The following DGKA variants were observed in gnomAD, a reference collection of about 807,000 sequenced individuals.
DGKA encodes diacylglycerol kinase alpha.
DGKA carries 35 observed loss-of-function variants against 105.0 expected under a neutral mutation model. The observed-to-expected ratio is 0.33, with a 90% confidence interval of 0.25 to 0.44. The LOEUF (loss-of-function observed/expected upper bound fraction) is 0.44. DGKA is among the 20% of genes least tolerant of loss of function. The pLI is 1.00. For synonymous variants in DGKA, 296 were observed against 332.0 expected (o/e 0.89, Z 1.18); for missense variants, 665 against 915.0 (o/e 0.73, Z 3.53).
At chr12:55,938,685 G>T (rs763496527) in intron 6 of DGKA, 125 bp downstream of exon 6, 1 of 1,592,614 alleles carries the variant, frequency 6.3e-7, no homozygotes, top group East Asian at 2.3e-5. Context: ...AGTCCTCTAG[G>T]ACTAAATTTG....
At position 55,952,496 on chromosome 12, in the gene DGKA, A is replaced by G; in HGVS notation, c.1743+65A>G. ...TCTTAATAGCCAAGTTTCTCCCTCC[A>G]TGGCACCCTTAGGAACTTCCCATAT... On this transcript the variant is annotated intron_variant, in intron 20 of 23. Coordinates refer to ENST00000331886, the MANE Select transcript of DGKA (RefSeq NM_001345.5). This position sits in a 1 kb window ranked among gnomAD's most constrained non-coding sequence, Gnocchi z 5.1. The G allele has an allele frequency of 3.3e-6, 5 of 1,506,800 alleles. No homozygotes were observed. The highest frequency in any genetic ancestry group is 4.6e-6 in the Non-Finnish European group (5 of 1,082,748). 93.3% of individuals were successfully genotyped at this position (1,506,800 alleles called of 1,614,324 possible).
In DGKA at chr12:55,940,873, C is replaced by G; in HGVS notation, c.1018-24C>G. ...ATTCATGCACAATACAGCTTTTCTT[C>G]CCTCTACTTTCTTCCCCTCCCAGGC... On this transcript the variant is annotated intron_variant, in intron 12 of 23. Transcript: ENST00000331886. The surrounding 1 kb of genome is among the most constrained non-coding windows in gnomAD (Gnocchi z 4.3). 6.2e-7 allele frequency: 1 copy of G among 1,612,580 alleles called. No individual in the cohort carries two copies. Among genetic ancestry groups the G allele is most frequent in the East Asian group, 2.2e-5 (1 of 44,860 alleles).
chr12:55,927,331 T>C (rs1284519778), upstream of DGKA: 1 of 761,050 alleles, frequency 1.3e-6, no homozygotes, highest in East Asian at 2.7e-5. Flanking sequence ...TACTGAGCGC[T>C]TGCTGCCTGT....
rs1196504797 is a variant in DGKA at position 55,931,288 on chromosome 12, A to T, written c.-138A>T. 1.3e-5 allele frequency: 2 copies of T among 151,986 alleles called. No homozygotes were observed. The highest frequency in any genetic ancestry group is 2.9e-5 in the Non-Finnish European group (2 of 68,048). The allele number at this position is 151,986 out of a possible 1,614,324, so 9.4% of individuals were successfully genotyped here. A position where few individuals can be genotyped will look rare whatever the true frequency, so the allele number is the denominator to read the frequency against. On this transcript the variant is annotated 5_prime_UTR_variant, in exon 1 of 24. Coordinates refer to ENST00000331886, the MANE Select transcript of DGKA (RefSeq NM_001345.5). ...ACTCCAGGCAGGGGAAGCTGAAAGGACCTTTCACTCCCTACTTTTGGCCAG... is the reference window on the plus strand; with the variant it reads ...ACTCCAGGCAGGGGAAGCTGAAAGGTCCTTTCACTCCCTACTTTTGGCCAG...
chr12:55,936,201 C>G, intron 1 of DGKA: 3 of 554,990 alleles, frequency 5.4e-6, no homozygotes, highest in Non-Finnish European at 8.1e-6. Flanking sequence ...AATGGAGAGA[C>G]AGAGATGAGT....
In DGKA at chr12:55,940,694, C is replaced by A; in HGVS notation, c.989C>A (p.Pro330His). ...GGGCTGCTCCGGGATCACATCCTGC[C>A]TCCATCTTCCATCTATCCCAGTGTC... is the stretch of plus-strand genomic sequence containing the variant. Reference protein sequence around the residue: ...DCGLLRDHILPPSSIYPSVLA... With the variant: ...DCGLLRDHILHPSSIYPSVLA... Residue 330 changes from proline to histidine, a missense_variant, in exon 12 of 24, where the codon CCT becomes CAT. Physicochemically the swap from Pro to His is moderately conservative, Grantham distance 77. Transcript: ENST00000331886. The surrounding 1 kb of genome is among the most constrained non-coding windows in gnomAD (Gnocchi z 4.3). 1 of 1,608,440 alleles carries A rather than the reference C, an allele frequency of 6.2e-7. No homozygotes were observed. The highest frequency in any genetic ancestry group is 2.2e-5 in the East Asian group (1 of 44,844).
At chr12:55,936,161 T>G in intron 1 of DGKA, 2 of 552,062 alleles carry the variant, frequency 3.6e-6, no homozygotes, top group Non-Finnish European at 2.5e-6. Context: ...TGAATCAAGA[T>G]AGGTTGGGGG....
In DGKA at chr12:55,949,168, G is replaced by GCA. The variant is rs139522411; in HGVS notation, c.1427-2438_1427-2437dup. Among the ~76,000 whole-genome samples, 356 of 149,508 alleles carry GCA rather than the reference G, an allele frequency of 2.4e-3. 2 individuals are homozygous for GCA. Among genetic ancestry groups the GCA allele is most frequent in the South Asian group, 8.6e-3 (41 of 4,760 alleles). On this transcript the variant is annotated intron_variant, in intron 17 of 23. Transcript: ENST00000331886. Reference sequence around the variant, plus strand: ...GTCATTTTTCTGTTTTTACATGCATGCACACACACACACACACATATGCAT... The same window carrying GCA: ...GTCATTTTTCTGTTTTTACATGCATGCACACACACACACACACACATATGCAT...
intron 23 of DGKA, 136 bp downstream of exon 23, chr12:55,953,546 C>T (rs1592758906): frequency 7.5e-7 from 1 of 1,334,112 alleles, no homozygotes; most frequent in Non-Finnish European, 1.1e-6. Context: ...CCTGATTTCT[C>T]AGCCCCTGGT....
At position 55,936,562 on chromosome 12, in the gene DGKA, T is replaced by C. The variant is rs1468483388; in HGVS notation, c.59T>C (p.Met20Thr). Residue 20 changes from methionine (M) to threonine (T), a missense_variant, in exon 2 of 24, where the codon ATG becomes ACG. By Grantham distance (81) the Met-to-Thr change is moderately conservative. This residue lies in a region of DGKA where 504 missense variants were observed against 681.2 expected (regional missense o/e 0.74). Transcript: ENST00000331886. ...PSDFAQLQKY[M>T]EYSTKKVSDV... ...GATTTTGCCCAGCTGCAAAAATACATGGAATGTGAGTCTTCCTGTCAGGCC... is the reference window on the plus strand; with the variant it reads ...GATTTTGCCCAGCTGCAAAAATACACGGAATGTGAGTCTTCCTGTCAGGCC... 4 of 1,614,012 alleles carry C rather than the reference T, an allele frequency of 2.5e-6. No homozygotes were observed. The highest frequency in any genetic ancestry group is 3.4e-6 in the Non-Finnish European group (4 of 1,180,028).
chr12:55,927,720 G>A (rs1362509241), upstream of DGKA: 5 of 1,539,916 alleles, frequency 3.2e-6, no homozygotes, highest in African/African-American at 6.8e-5. Context: ...CCGCGGGTCG[G>A]TCACCTGTCT....
chr12:55,943,087 G>T (rs1272532596), intron 17 of DGKA, among the ~76,000 whole-genome samples: 2 of 152,148 alleles, frequency 1.3e-5, no homozygotes, highest in African/African-American at 4.8e-5. Flanking sequence ...CTGTGCCAGG[G>T]AGTTTTTAAT....
At chr12:55,942,896 G>A (rs1473651509) in intron 17 of DGKA, among the ~76,000 whole-genome samples, 1 of 152,120 alleles carries the variant, frequency 6.6e-6, no homozygotes, top group Non-Finnish European at 1.5e-5. Context: ...TCTGCTAAGG[G>A]CAGCGGAAGG....
chr12:55,945,450 A>G (rs1333805305), intron 17 of DGKA, among the ~76,000 whole-genome samples: 2 of 152,202 alleles, frequency 1.3e-5, no homozygotes, highest in Non-Finnish European at 2.9e-5. Flanking sequence ...TACCACAAAC[A>G]GTGGCTTAAA....
At chr12:55,938,284 G>T in intron 5 of DGKA, 1 of 684,656 alleles carries the variant, frequency 1.5e-6, no homozygotes. Flanking sequence ...GGCGGCCTAG[G>T]ATGTCCTTGG....
At position 55,940,280 on chromosome 12, in the gene DGKA, C is replaced by T. The variant is rs751946134; in HGVS notation, c.799-34C>T. On this transcript the variant is annotated intron_variant, in intron 10 of 23. Transcript: ENST00000331886. The surrounding 1 kb of genome is among the most constrained non-coding windows in gnomAD (Gnocchi z 4.3). Reference sequence around the variant, plus strand: ...CTCCCTCCCCTAGGTCCTGCTCAGACCCTGCCAGACAAGGAACTGCCTTTC... The same window carrying T: ...CTCCCTCCCCTAGGTCCTGCTCAGATCCTGCCAGACAAGGAACTGCCTTTC... The T allele has an allele frequency of 8.1e-6, 13 of 1,614,148 alleles. 1 individual carries two copies. The South Asian group carries it at 1.4e-4, about 18-fold the overall frequency.
At chr12:55,951,585 C>T (rs368498731) in intron 17 of DGKA, 38 bp from the exon 18 acceptor site, 3 of 1,595,328 alleles carry the variant, frequency 1.9e-6, no homozygotes, top group African/African-American at 1.3e-5. Flanking sequence ...CTCTCTGGGA[C>T]CCAGAGCTCA....
chr12:55,952,016 C>T lies in DGKA; in HGVS notation c.1588-19C>T, dbSNP rs749140928. 1.9e-6 allele frequency: 3 copies of T among 1,613,814 alleles called. No individual in the cohort carries two copies. The South Asian group carries it at 3.3e-5, about 18-fold the overall frequency. On this transcript the variant is annotated intron_variant, in intron 18 of 23. Transcript: ENST00000331886. This position sits in a 1 kb window ranked among gnomAD's most constrained non-coding sequence, Gnocchi z 5.1. ...AGAGATTGAGCTCTGTACTGACCTT[C>T]ATGTCCCGAACTCTCCAGGATGCCT...
intron 17 of DGKA, among the ~76,000 whole-genome samples, chr12:55,943,574 C>T (rs897477157): frequency 3.3e-5 from 5 of 152,172 alleles, no homozygotes; most frequent in Admixed American, 1.3e-4. Context: ...CCATGCCCAA[C>T]CCACTTTACC....
Sources: allele counts gnomAD v4.1 joint callset (sites outside exome capture counted in the v4.1 genomes callset), GRCh38; gene constraint gnomAD v4.1.1; regional missense constraint gnomAD v4.1.1; non-coding constraint Gnocchi (gnomAD v3.1); transcripts MANE v1.5; gene names NCBI Gene and HGNC (gene_info 2026-07-23, HGNC 2026-07-21).